The following GLDC variants were observed in gnomAD, a reference collection of about 807,000 sequenced individuals.
GLDC encodes glycine decarboxylase, also known as glycine dehydrogenase (decarboxylating), mitochondrial.
A neutral mutation model predicts 121.3 loss-of-function variants in GLDC; 104 were observed. The observed-to-expected ratio is 0.86, with a 90% CI of 0.73 to 1.01. The LOEUF is 1.01. Ranked by LOEUF, GLDC falls within the 50% of genes least tolerant of loss-of-function variation. The pLI is 0.00. For synonymous variants in GLDC, 546 were observed against 480.6 expected, an observed-to-expected ratio of 1.14 and a Z score of -1.78; for missense variants, 1,429 against 1,306.6, an observed-to-expected ratio of 1.09 and a Z score of -1.44.
intron 7 of GLDC, among the ~76,000 whole-genome samples, chr9:6,603,656 A>C (rs1437716855): frequency 6.6e-6 from 1 of 151,988 alleles, no homozygotes; most frequent in African/African-American, 2.4e-5. Flanking sequence ...GGTCAAAAAC[A>C]TAATTTTTTT....
Position 6,629,956 on chromosome 9 carries a change from TA to T in GLDC, c.335-9638del, listed in dbSNP as rs202127228. Among the ~76,000 whole-genome samples, 254 of 103,482 alleles carry T rather than the reference TA, an allele frequency of 2.5e-3. 17 individuals carry two copies. The highest frequency in any genetic ancestry group is 3.3e-3 in the Non-Finnish European group (185 of 55,500). 67.9% of individuals were successfully genotyped at this position (103,482 alleles called of 152,430 possible). A position where few individuals can be genotyped will look rare whatever the true frequency, so the allele number is the denominator to read the frequency against. On this transcript the variant is annotated intron_variant, in intron 2 of 24. Coordinates refer to ENST00000321612, the MANE Select transcript of GLDC (RefSeq NM_000170.3). ...ATATATATATATATGTATATATATATATTTTTTTTTTTTAAGAGAGACAAGG... is the reference window on the plus strand; with the variant it reads ...ATATATATATATATGTATATATATATTTTTTTTTTTTTAAGAGAGACAAGG...
At chr9:6,594,633 T>TACAG (rs1487066110) in intron 9 of GLDC, among the ~76,000 whole-genome samples, 39 of 152,176 alleles carry the variant, frequency 2.6e-4, no homozygotes, top group African/African-American at 9.4e-4. Context: ...AAGTGGAGGT[T>TACAG]ACAGTGAGCT....
At chr9:6,611,645 A>G (rs954939065) in intron 3 of GLDC, among the ~76,000 whole-genome samples, 3 of 151,762 alleles carry the variant, frequency 2.0e-5, no homozygotes, top group Non-Finnish European at 2.9e-5. Context: ...GCATAGTATT[A>G]TATTCACACT....
At chr9:6,570,901 AT>A (rs544460994) in intron 15 of GLDC, among the ~76,000 whole-genome samples, 237 of 152,110 alleles carry the variant, frequency 1.6e-3, no homozygotes, top group African/African-American at 5.5e-3. Flanking sequence ...TTTAAAAAAA[AT>A]ATTTTATTAC....
intron 12 of GLDC, 81 bp from the exon 13 acceptor site, chr9:6,588,783 C>A: frequency 1.2e-6 from 1 of 859,514 alleles, no homozygotes; most frequent in South Asian, 1.3e-5. Flanking sequence ...TAAGACACAC[C>A]GAAATCTACT....
At chr9:6,545,251 G>C (rs145133280) in intron 21 of GLDC, among the ~76,000 whole-genome samples, 1 of 152,142 alleles carries the variant, frequency 6.6e-6, no homozygotes, top group African/African-American at 2.4e-5. Context: ...AAACAGCATG[G>C]TGTACTTACA....
intron 8 of GLDC, among the ~76,000 whole-genome samples, chr9:6,600,090 G>C (rs1032920780): frequency 1.7e-4 from 26 of 152,172 alleles, no homozygotes; most frequent in Admixed American, 1.0e-3. Context: ...ACAGTGGCCA[G>C]GCACGGTGGC....
chr9:6,627,889 C>T (rs1467478099), intron 2 of GLDC, among the ~76,000 whole-genome samples: 2 of 152,178 alleles, frequency 1.3e-5, no homozygotes, highest in South Asian at 2.1e-4. Context: ...TTCTCAGACC[C>T]ACTCATGAAA....
chr9:6,536,088 G>A lies in GLDC; in HGVS notation c.2814C>T (p.Ile938=), dbSNP rs750518195. The change falls in exon 23 of 25, where the codon ATC becomes ATT. Residue 938 remains isoleucine, a synonymous_variant. Coordinates refer to ENST00000321612, the MANE Select transcript of GLDC (RefSeq NM_000170.3). ...CCTTCAGCGGATTGACCCTGGGGTC[G>A]ATGCGGCCCTCCTCAATGTCAGCAA... The part of the protein sequence containing the change: ...QEIADIEEGR[I]DPRVNPLKMS... 1.1e-5 allele frequency: 17 copies of A among 1,613,690 alleles called. No homozygotes were observed. The highest frequency in any genetic ancestry group is 4.5e-5 in the East Asian group (2 of 44,906).
chr9:6,555,837 AG>A (rs1367834865), intron 18 of GLDC, among the ~76,000 whole-genome samples: 1 of 152,110 alleles, frequency 6.6e-6, no homozygotes, highest in Non-Finnish European at 1.5e-5. Flanking sequence ...AACACCAATA[AG>A]AGTCTCAAAA....
At chr9:6,627,576 G>C (rs771565952) in intron 2 of GLDC, among the ~76,000 whole-genome samples, 3 of 152,188 alleles carry the variant, frequency 2.0e-5, no homozygotes, top group Non-Finnish European at 4.4e-5. Context: ...TGAGTTAATA[G>C]AATGAGCTGT....
intron 4 of GLDC, among the ~76,000 whole-genome samples, chr9:6,609,680 G>A (rs974157479): frequency 6.7e-6 from 1 of 149,784 alleles, no homozygotes; most frequent in Non-Finnish European, 1.5e-5. Flanking sequence ...CCCCTCCCCT[G>A]CTCCCGCCCT....
At chr9:6,576,337 G>C (rs1043608149) in intron 15 of GLDC, among the ~76,000 whole-genome samples, 10 of 152,182 alleles carry the variant, frequency 6.6e-5, no homozygotes, top group Non-Finnish European at 1.0e-4. Flanking sequence ...GGGGTAAAGA[G>C]CTCTCTGGGG....
chr9:6,634,125 C>T (rs773453188), intron 2 of GLDC, among the ~76,000 whole-genome samples: 5 of 151,990 alleles, frequency 3.3e-5, no homozygotes, highest in South Asian at 2.1e-4. Context: ...CCACCGCGCC[C>T]GGCAGAGGCG....
Position 6,558,652 on chromosome 9 carries a change from G to A in GLDC, c.1959C>T (p.Thr653=), listed in dbSNP as rs2129735219. The A allele has an allele frequency of 6.2e-7, 1 of 1,614,100 alleles. No individual in the cohort carries two copies. Among genetic ancestry groups the A allele is most frequent in the East Asian group, 2.2e-5 (1 of 44,888 alleles). Residue 653 remains threonine, a synonymous_variant, in exon 17 of 25, where the codon ACC becomes ACT. Transcript: ENST00000321612. ...VCLIPKSAHG[T]NPASAHMAGM... is the part of the protein sequence containing the mutation. Reference sequence around the variant, plus strand: ...CTGCCATGTGGGCACTTGCTGGGTTGGTCCCATGTGCTGATTTCGGAATGA... The same window carrying A: ...CTGCCATGTGGGCACTTGCTGGGTTAGTCCCATGTGCTGATTTCGGAATGA...
intron 15 of GLDC, among the ~76,000 whole-genome samples, chr9:6,567,718 C>G (rs540837066): frequency 6.6e-6 from 1 of 152,312 alleles, no homozygotes; most frequent in South Asian, 2.1e-4. Flanking sequence ...ATTATCATAG[C>G]ATTTTACTCT....
rs145825844 is a variant in GLDC at position 6,609,588 on chromosome 9, G to A, written c.635+604C>T. Among the ~76,000 whole-genome samples, 1,081 of 152,006 alleles carry A rather than the reference G, an allele frequency of 7.1e-3. 13 individuals are homozygous for A. The highest frequency in any genetic ancestry group is 0.024 in the African/African-American group (992 of 41,446). Reference sequence around the variant, plus strand: ...TGTGTGTTATGGGGGAGATCCTCACGTCTGACCCACACCTGCCCTTGAAAC... The same window carrying A: ...TGTGTGTTATGGGGGAGATCCTCACATCTGACCCACACCTGCCCTTGAAAC... On this transcript the variant is annotated intron_variant, in intron 4 of 24. Transcript: ENST00000321612.
chr9:6,590,086 T>C (rs927715432), intron 11 of GLDC, among the ~76,000 whole-genome samples: 1 of 151,834 alleles, frequency 6.6e-6, no homozygotes, highest in Non-Finnish European at 1.5e-5. Context: ...GGGGCTAATC[T>C]GCATAACCTT....
chr9:6,554,467 T>G (rs1487235477), intron 19 of GLDC, among the ~76,000 whole-genome samples: 9 of 152,206 alleles, frequency 5.9e-5, no homozygotes, highest in Non-Finnish European at 5.9e-5. Context: ...GATGCTATGG[T>G]TAGTAAAATC....
Sources: gnomAD v4.1 joint callset for allele counts (sites outside exome capture counted in the v4.1 genomes callset) on GRCh38, gnomAD v4.1.1 for gene constraint, MANE v1.5 for transcripts, NCBI Gene and HGNC (gene_info 2026-07-23, HGNC 2026-07-21) for gene names.